The following ST6GALNAC3 variants were observed in gnomAD, a reference collection of about 807,000 sequenced individuals.
The protein encoded by ST6GALNAC3 is alpha-N-acetylgalactosaminide alpha-2,6-sialyltransferase 3.
In ST6GALNAC3, 25 loss-of-function variants were observed where a neutral mutation model predicts 32.7. The ratio of observed to expected loss-of-function variants is 0.76; its 90% confidence interval spans 0.56 to 1.07. The LOEUF is 1.07. Ranked by LOEUF, ST6GALNAC3 falls within the 50% of genes least tolerant of loss-of-function variation. The pLI is 0.00. For missense variants in ST6GALNAC3, 355 were observed against 382.4 expected, an observed-to-expected ratio of 0.93 and a Z score of 0.60; for synonymous variants, 129 against 133.1, an observed-to-expected ratio of 0.97 and a Z score of 0.21.
intron 2 of ST6GALNAC3, among the ~76,000 whole-genome samples, chr1:76,408,178 C>T (rs76386786): frequency 0.01 from 1,580 of 152,084 alleles, 12 homozygotes; most frequent in Non-Finnish European, 0.016. Context: ...ATTTGTCTGG[C>T]CCCCACACTC....
chr1:76,395,159 G>A (rs1049829312), intron 2 of ST6GALNAC3, among the ~76,000 whole-genome samples: 2 of 151,856 alleles, frequency 1.3e-5, no homozygotes, highest in African/African-American at 2.4e-5. Flanking sequence ...TGTAAAGGAG[G>A]TCATCCTTTT....
At chr1:76,635,550 C>A (rs1167110212), downstream of ST6GALNAC3, among the ~76,000 whole-genome samples, 3 of 152,124 alleles carry the variant, frequency 2.0e-5, no homozygotes, top group Admixed American at 6.5e-5. Context: ...AGATTGGAAC[C>A]AAGGCAGTTT....
intron 1 of ST6GALNAC3, among the ~76,000 whole-genome samples, chr1:76,105,763 A>G (rs1306510425): frequency 1.3e-5 from 2 of 152,238 alleles, no homozygotes; most frequent in African/African-American, 2.4e-5. Context: ...CTCGAGGCAT[A>G]TATTAATAGC....
At chr1:76,578,605 C>G (rs1222248069) in intron 3 of ST6GALNAC3, among the ~76,000 whole-genome samples, 2 of 151,916 alleles carry the variant, frequency 1.3e-5, no homozygotes, top group African/African-American at 4.8e-5. Context: ...TATGGAATTT[C>G]TAAGTCGAGT....
At chr1:76,441,189 G>A (rs956627471) in intron 3 of ST6GALNAC3, among the ~76,000 whole-genome samples, 30 of 151,596 alleles carry the variant, frequency 2.0e-4, no homozygotes, top group African/African-American at 7.3e-4. Flanking sequence ...ATTGAAAAAT[G>A]TGTGTAGTTA....
intron 3 of ST6GALNAC3, among the ~76,000 whole-genome samples, chr1:76,460,850 A>G (rs759693675): frequency 6.6e-6 from 1 of 152,164 alleles, no homozygotes; most frequent in Admixed American, 6.5e-5. Context: ...GCCTTATAAC[A>G]TGGAGGAATT....
At chr1:76,151,768 G>T (rs770517786) in intron 1 of ST6GALNAC3, among the ~76,000 whole-genome samples, 7 of 152,190 alleles carry the variant, frequency 4.6e-5, no homozygotes, top group Non-Finnish European at 7.3e-5. Context: ...GAGGGAAAAC[G>T]GGTGGGGCAT....
At chr1:76,416,905 C>T (rs1442890193) in intron 3 of ST6GALNAC3, among the ~76,000 whole-genome samples, 7 of 151,984 alleles carry the variant, frequency 4.6e-5, no homozygotes, top group Admixed American at 1.3e-4. Context: ...GGATTACAGG[C>T]GTGAGCCACC....
At chr1:76,374,906 T>TG (rs1291815958) in intron 2 of ST6GALNAC3, among the ~76,000 whole-genome samples, 1 of 108,826 alleles carries the variant, frequency 9.2e-6, no homozygotes, top group African/African-American at 2.7e-5. Context: ...CCAAAAAATG[T>TG]TTTTTTTGTG....
intron 2 of ST6GALNAC3, among the ~76,000 whole-genome samples, chr1:76,320,135 G>A (rs1646938868): frequency 6.6e-6 from 1 of 152,192 alleles, no homozygotes; most frequent in Non-Finnish European, 1.5e-5. Context: ...GGTGAGACAT[G>A]TGCTTTGGAG....
At chr1:76,300,402 A>G (rs960215695) in intron 1 of ST6GALNAC3, among the ~76,000 whole-genome samples, 3 of 151,996 alleles carry the variant, frequency 2.0e-5, no homozygotes, top group Non-Finnish European at 2.9e-5. Context: ...TAGACAATCA[A>G]GGTCCCTCGG....
rs77509534 is a variant in ST6GALNAC3 at position 76,384,576 on chromosome 1, C to T, written c.214-27432C>T. ...TATAGAACTCTACATCTAAAAGCTA[C>T]AGAATGCATTTTTTTCAAGTAAACA... On this transcript the variant is annotated intron_variant, in intron 2 of 4. Coordinates refer to ENST00000328299, the MANE Select transcript of ST6GALNAC3 (RefSeq NM_152996.4). 6.9e-3 allele frequency among the ~76,000 whole-genome samples: 1,056 copies of T among 152,158 alleles called. 43 individuals are homozygous for T. The East Asian group carries it at 0.1, about 15-fold the overall frequency.
intron 3 of ST6GALNAC3, among the ~76,000 whole-genome samples, chr1:76,619,493 A>G (rs1293778281): frequency 6.6e-6 from 1 of 152,082 alleles, no homozygotes; most frequent in Non-Finnish European, 1.5e-5. Flanking sequence ...ATTCTTAGTC[A>G]TATGTTGTTT....
At chr1:76,086,563 C>T (rs1238448302) in intron 1 of ST6GALNAC3, among the ~76,000 whole-genome samples, 1 of 151,918 alleles carries the variant, frequency 6.6e-6, no homozygotes, top group Non-Finnish European at 1.5e-5. Flanking sequence ...TCTGATGTTC[C>T]TTCTTCATCT....
chr1:76,286,501 G>A (rs1659788495), intron 1 of ST6GALNAC3, among the ~76,000 whole-genome samples: 1 of 152,228 alleles, frequency 6.6e-6, no homozygotes, highest in Non-Finnish European at 1.5e-5. Flanking sequence ...ATAAATGCTA[G>A]AGAGTAGGCC....
chr1:76,291,584 C>T (rs1049083348), intron 1 of ST6GALNAC3, among the ~76,000 whole-genome samples: 1 of 152,186 alleles, frequency 6.6e-6, no homozygotes, highest in Admixed American at 6.5e-5. Flanking sequence ...GGCTGCTTGT[C>T]GGAGTTCTAA....
chr1:76,590,490 A>G (rs1168931191), intron 3 of ST6GALNAC3, among the ~76,000 whole-genome samples: 1 of 152,214 alleles, frequency 6.6e-6, no homozygotes, highest in African/African-American at 2.4e-5. Flanking sequence ...TAAGACTCCA[A>G]GCACCCACAT....
chr1:76,526,234 G>C (rs1662903476), intron 3 of ST6GALNAC3, among the ~76,000 whole-genome samples: 2 of 151,862 alleles, frequency 1.3e-5, no homozygotes, highest in South Asian at 4.2e-4. Flanking sequence ...CTTCTCAATG[G>C]ACTAGTGACC....
chr1:76,169,050 C>T (rs1229488150), intron 1 of ST6GALNAC3, among the ~76,000 whole-genome samples: 2 of 152,128 alleles, frequency 1.3e-5, no homozygotes, highest in Admixed American at 6.6e-5. Context: ...TATAGTGTGA[C>T]TGGTCTATGT....
Sources: allele counts gnomAD v4.1 joint callset (sites outside exome capture counted in the v4.1 genomes callset), GRCh38; gene constraint gnomAD v4.1.1; transcripts MANE v1.5; gene names NCBI Gene and HGNC (gene_info 2026-07-23, HGNC 2026-07-21).